Variants in MYO1B observed in about 807,000 individuals in gnomAD.
The protein encoded by MYO1B is myosin IB.
Under a neutral mutation model 159.7 loss-of-function variants are expected in MYO1B, and 72 were observed. The observed-to-expected ratio is 0.45, with a 90% confidence interval of 0.37 to 0.55. The LOEUF (loss-of-function observed/expected upper bound fraction) is 0.55. MYO1B is among the 20% of genes least tolerant of loss of function. MYO1B has a pLI of 0.00. For missense variants in MYO1B, 1,062 were observed against 1,364.8 expected, an observed-to-expected ratio of 0.78 and a Z score of 3.50; for synonymous variants, 468 against 473.8, an observed-to-expected ratio of 0.99 and a Z score of 0.16.
At chr2:191,266,953 G>C (rs1425850854) in intron 1 of MYO1B, among the ~76,000 whole-genome samples, 1 of 152,148 alleles carries the variant, frequency 6.6e-6, no homozygotes, top group Non-Finnish European at 1.5e-5. Context: ...CTGTCTTTCA[G>C]TCCTTAATCA....
intron 20 of MYO1B, among the ~76,000 whole-genome samples, chr2:191,394,203 A>G (rs1015589046): frequency 6.6e-6 from 1 of 152,218 alleles, no homozygotes; most frequent in Non-Finnish European, 1.5e-5. Context: ...CTGCCCAGCC[A>G]TGTGAATGAT....
intron 2 of MYO1B, among the ~76,000 whole-genome samples, chr2:191,283,317 A>T (rs1688175055): frequency 1.7e-5 from 1 of 57,886 alleles, no homozygotes; most frequent in Non-Finnish European, 3.8e-5. Context: ...GTTGAAGCTA[A>T]ACCTAAGGTT....
intron 2 of MYO1B, among the ~76,000 whole-genome samples, chr2:191,294,700 A>G (rs2125807191): frequency 6.6e-6 from 1 of 152,296 alleles, no homozygotes; most frequent in East Asian, 1.9e-4. Flanking sequence ...ATGGGAACTG[A>G]GAGTTTTCTT....
chr2:191,258,645 CGG>C (rs1686603767), intron 1 of MYO1B, among the ~76,000 whole-genome samples: 3 of 152,114 alleles, frequency 2.0e-5, no homozygotes, highest in Non-Finnish European at 4.4e-5. Flanking sequence ...AGTAGGGCAG[CGG>C]TTATAGCTGC....
intron 6 of MYO1B, 105 bp from the exon 7 acceptor site, chr2:191,350,057 A>T: frequency 1.2e-6 from 1 of 861,728 alleles, no homozygotes; most frequent in Non-Finnish European, 1.9e-6. Context: ...AGTTACATTT[A>T]AACAAATGTA....
intron 5 of MYO1B, among the ~76,000 whole-genome samples, chr2:191,342,885 C>T (rs755709443): frequency 6.6e-6 from 1 of 150,632 alleles, no homozygotes; most frequent in African/African-American, 2.5e-5. Flanking sequence ...ATATTGTAAG[C>T]GACAGAGGGA....
At chr2:191,276,641 G>C (rs1409746883) in intron 1 of MYO1B, among the ~76,000 whole-genome samples, 1 of 152,086 alleles carries the variant, frequency 6.6e-6, no homozygotes, top group African/African-American at 2.4e-5. Flanking sequence ...TTTTTCTGTA[G>C]GTGGACTTCA....
chr2:191,400,337 C>G (rs201149527), intron 21 of MYO1B, 45 bp from the exon 22 acceptor site: 34 of 1,600,504 alleles, frequency 2.1e-5, no homozygotes, highest in Admixed American at 1.7e-5. Context: ...CTGTCAATTC[C>G]TTTATTTTTA....
intron 3 of MYO1B, among the ~76,000 whole-genome samples, chr2:191,314,953 G>C (rs1387623419): frequency 6.6e-6 from 1 of 152,068 alleles, no homozygotes; most frequent in Non-Finnish European, 1.5e-5. Context: ...TTAAATTGTA[G>C]ATTTTTTATT....
chr2:191,357,341 G>A (rs576039734), intron 7 of MYO1B, among the ~76,000 whole-genome samples: 26 of 152,126 alleles, frequency 1.7e-4, no homozygotes, highest in Non-Finnish European at 2.4e-4. Flanking sequence ...CCTACATAAC[G>A]GCCAGGCTCC....
chr2:191,282,696 G>A (rs1431939695), intron 2 of MYO1B, among the ~76,000 whole-genome samples: 3 of 152,176 alleles, frequency 2.0e-5, no homozygotes, highest in African/African-American at 7.2e-5. Context: ...GAAGTAGGAG[G>A]AGGTTCTCTT....
intron 21 of MYO1B, 97 bp from the exon 22 acceptor site, chr2:191,400,285 G>T: frequency 7.9e-7 from 1 of 1,260,060 alleles, no homozygotes. Context: ...CAATAGCATG[G>T]GTGTTAGGAC....
chr2:191,308,630 A>G (rs1177595839), intron 3 of MYO1B, among the ~76,000 whole-genome samples: 2 of 151,930 alleles, frequency 1.3e-5, no homozygotes, highest in African/African-American at 2.4e-5. Context: ...CTACCATGCC[A>G]TTTGTTTCCT....
chr2:191,375,511 A>G (rs113145127), intron 13 of MYO1B, among the ~76,000 whole-genome samples: 5 of 151,780 alleles, frequency 3.3e-5, no homozygotes, highest in African/African-American at 1.2e-4. Flanking sequence ...ATAGATAGAT[A>G]GATGGATCCA....
At chr2:191,309,784 C>T (rs570439268) in intron 3 of MYO1B, among the ~76,000 whole-genome samples, 3 of 152,332 alleles carry the variant, frequency 2.0e-5, no homozygotes, top group East Asian at 3.9e-4. Context: ...TTCTCTTAGG[C>T]TACTTTATTT....
chr2:191,284,527 T>C (rs1412858384), intron 2 of MYO1B, among the ~76,000 whole-genome samples: 8 of 152,206 alleles, frequency 5.3e-5, no homozygotes, highest in African/African-American at 1.9e-4. Context: ...AGGGACATCT[T>C]AGTCCAGTGC....
At chr2:191,259,717 T>C (rs1686679524) in intron 1 of MYO1B, among the ~76,000 whole-genome samples, 1 of 152,210 alleles carries the variant, frequency 6.6e-6, no homozygotes, top group African/African-American at 2.4e-5. Context: ...GTGAACTCTT[T>C]GATGTAATCA....
chr2:191,246,186 G>C (rs1685780485), intron 1 of MYO1B: 1 of 152,230 alleles, frequency 6.6e-6, no homozygotes, highest in Non-Finnish European at 1.5e-5. Flanking sequence ...GCAGCGGAGG[G>C]GGTTGCCCTG....
intron 7 of MYO1B, 116 bp from the exon 8 acceptor site, chr2:191,360,515 A>G: frequency 1.6e-6 from 1 of 641,430 alleles, no homozygotes; most frequent in South Asian, 2.4e-5. Context: ...AGCTTCCTTT[A>G]TTATTTCATT....
Sources: gnomAD v4.1 joint callset for allele counts (sites outside exome capture counted in the v4.1 genomes callset) on GRCh38, gnomAD v4.1.1 for gene constraint, MANE v1.5 for transcripts, NCBI Gene and HGNC (gene_info 2026-07-23, HGNC 2026-07-21) for gene names.